The following GDAP1 variants were observed in gnomAD, a reference collection of about 807,000 sequenced individuals.
GDAP1 encodes ganglioside-induced differentiation-associated protein 1.
GDAP1 carries 34 observed loss-of-function variants against 40.1 expected under a neutral mutation model. The observed-to-expected ratio is 0.85, with a 90% CI of 0.64 to 1.13. The LOEUF is 1.13. GDAP1 is among the 50% of genes most tolerant of loss of function. The pLI, the probability that GDAP1 is intolerant of heterozygous loss-of-function variation, is 0.00. For missense variants in GDAP1, 374 were observed against 433.7 expected (o/e 0.86, Z 1.22); for synonymous variants, 170 against 157.4 (o/e 1.08, Z -0.60).
intron 2 of GDAP1, among the ~76,000 whole-genome samples, chr8:74,469,474 T>C (rs182276508): frequency 3.7e-4 from 56 of 151,242 alleles, no homozygotes; most frequent in Middle Eastern, 3.5e-3. Flanking sequence ...GGAGACCATC[T>C]TGGCTAACAC....
intron 2 of GDAP1, among the ~76,000 whole-genome samples, chr8:74,486,217 C>G (rs1261205986): frequency 6.6e-6 from 1 of 152,130 alleles, no homozygotes; most frequent in African/African-American, 2.4e-5. Context: ...GCCAAGAAAC[C>G]TATAGAGTTA....
intron 2 of GDAP1, among the ~76,000 whole-genome samples, chr8:74,401,843 TCAG>T: frequency 6.7e-6 from 1 of 150,186 alleles, no homozygotes; most frequent in South Asian, 2.1e-4. Flanking sequence ...TGCCTGGGTA[TCAG>T]CAGCGGTGTC....
chr8:74,388,301 C>G (rs373447566), intron 2 of GDAP1, among the ~76,000 whole-genome samples: 27 of 152,142 alleles, frequency 1.8e-4, no homozygotes, highest in East Asian at 5.8e-4. Flanking sequence ...TTCCCACTAT[C>G]TAATGTGGGC....
chr8:74,361,823 C>A, intron 3 of GDAP1, 61 bp from the exon 4 acceptor site: 1 of 935,606 alleles, frequency 1.1e-6, no homozygotes, highest in Non-Finnish European at 1.8e-6. Context: ...TCTGCTTCTC[C>A]TTGTTACTGG....
At chr8:74,422,017 G>A (rs993962878) in intron 2 of GDAP1, among the ~76,000 whole-genome samples, 1 of 152,020 alleles carries the variant, frequency 6.6e-6, no homozygotes, top group East Asian at 1.9e-4. Context: ...AGCTTTGAGA[G>A]GGAAAGGGTA....
At chr8:74,430,830 C>G (rs1272971556) in intron 2 of GDAP1, among the ~76,000 whole-genome samples, 1 of 151,976 alleles carries the variant, frequency 6.6e-6, no homozygotes, top group African/African-American at 2.4e-5. Context: ...TTAAAAATAT[C>G]TTAAATAAAT....
At chr8:74,375,891 C>T (rs533510008) in intron 2 of GDAP1, among the ~76,000 whole-genome samples, 2 of 152,132 alleles carry the variant, frequency 1.3e-5, no homozygotes, top group Non-Finnish European at 2.9e-5. Flanking sequence ...TTCTAAAAAA[C>T]ACTTAGAAAT....
chr8:74,372,312 T>C (rs972529364), intron 2 of GDAP1, among the ~76,000 whole-genome samples: 19 of 152,212 alleles, frequency 1.2e-4, no homozygotes, highest in African/African-American at 4.3e-4. Context: ...TCAAATGCTA[T>C]TTCTAGTTCT....
intron 2 of GDAP1, among the ~76,000 whole-genome samples, chr8:74,429,201 A>G (rs942312036): frequency 2.0e-5 from 3 of 152,176 alleles, no homozygotes; most frequent in Non-Finnish European, 4.4e-5. Flanking sequence ...TTATGGCAGC[A>G]TGATTTATAA....
At chr8:74,446,791 G>A (rs563889014) in intron 2 of GDAP1, among the ~76,000 whole-genome samples, 48 of 152,248 alleles carry the variant, frequency 3.2e-4, no homozygotes, top group African/African-American at 1.2e-3. Context: ...TATGCTAAGT[G>A]AAAGAAGTCA....
intron 2 of GDAP1, among the ~76,000 whole-genome samples, chr8:74,402,242 G>T (rs538609482): frequency 4.2e-4 from 63 of 150,626 alleles, no homozygotes; most frequent in Admixed American, 2.7e-3. Context: ...GTTTACCTAA[G>T]CAAGCCTGGG....
At chr8:74,363,901 C>T in intron 5 of GDAP1, 84 bp from the exon 6 acceptor site, 1 of 1,164,098 alleles carries the variant, frequency 8.6e-7, no homozygotes, top group Non-Finnish European at 1.3e-6. Context: ...CACACTCACC[C>T]TTAAGGGTGA....
At chr8:74,379,231 A>G (rs1298944145) in intron 2 of GDAP1, among the ~76,000 whole-genome samples, 1 of 152,144 alleles carries the variant, frequency 6.6e-6, no homozygotes, top group East Asian at 1.9e-4. Flanking sequence ...ATTTCCTGGT[A>G]TGTGGAGTAA....
intron 2 of GDAP1, among the ~76,000 whole-genome samples, chr8:74,404,461 A>G (rs1182477858): frequency 2.0e-5 from 3 of 149,338 alleles, no homozygotes. Flanking sequence ...TATTATATAA[A>G]TATATTTAAT....
chr8:74,428,227 TAACAAC>T (rs112829936), intron 2 of GDAP1, among the ~76,000 whole-genome samples: 137,374 of 151,312 alleles, frequency 0.91, 62,760 homozygotes, highest in Non-Finnish European at 0.97. Context: ...ACCCCATTGC[TAACAAC>T]AACAACAACA....
At chr8:74,397,493 T>C (rs538731283) in intron 2 of GDAP1, among the ~76,000 whole-genome samples, 1 of 152,326 alleles carries the variant, frequency 6.6e-6, no homozygotes, top group African/African-American at 2.4e-5. Context: ...GTTTTAGGTC[T>C]AACATTTAAG....
downstream of GDAP1, chr8:74,367,098 CAA>C (rs71563287): frequency 1.3e-4 from 18 of 140,140 alleles, no homozygotes; most frequent in Admixed American, 2.9e-4. Context: ...ACTGATCTCT[CAA>C]AAAAAAAAAA....
At chr8:74,445,563 GATTGA>G (rs1284063485) in intron 2 of GDAP1, among the ~76,000 whole-genome samples, 1 of 152,092 alleles carries the variant, frequency 6.6e-6, no homozygotes, top group African/African-American at 2.4e-5. Flanking sequence ...TCACTGCTGT[GATTGA>G]ATAGTACACA....
At chr8:74,396,538 A>C (rs187810969) in intron 2 of GDAP1, among the ~76,000 whole-genome samples, 2 of 148,382 alleles carry the variant, frequency 1.3e-5, no homozygotes, top group South Asian at 4.3e-4. Flanking sequence ...CCAGAGTGTG[A>C]TGTTCCCCTT....
Sources: allele counts gnomAD v4.1 joint callset (sites outside exome capture counted in the v4.1 genomes callset), GRCh38; gene constraint gnomAD v4.1.1; transcripts MANE v1.5; gene names NCBI Gene and HGNC (gene_info 2026-07-23, HGNC 2026-07-21).